Variants in TSNAX observed in about 807,000 individuals in gnomAD.
TSNAX encodes translin-associated protein X.
A neutral mutation model predicts 33.0 loss-of-function variants in TSNAX; 12 were observed. The ratio of observed to expected loss-of-function variants is 0.36; its 90% CI spans 0.23 to 0.59. The LOEUF (loss-of-function observed/expected upper bound fraction) is 0.59, where lower values mean the gene tolerates loss of function less well. Among genes scored for constraint, TSNAX ranks in the 20% least tolerant of loss-of-function variants. The probability of loss-of-function intolerance (pLI) is 0.74; values close to 1 mark genes in which losing one functional copy is unlikely to be tolerated. For missense variants in TSNAX, 267 were observed against 341.3 expected, an observed-to-expected ratio of 0.78 and a Z score of 1.72; for synonymous variants, 110 against 117.2, an observed-to-expected ratio of 0.94 and a Z score of 0.40.
chr1:231,554,409 T>G (rs972694278), intron 4 of TSNAX, among the ~76,000 whole-genome samples: 19 of 152,168 alleles, frequency 1.2e-4, no homozygotes, highest in Non-Finnish European at 2.9e-5. Context: ...ACATATGAGT[T>G]GCTATCTTTG....
At position 231,529,336 on chromosome 1, in the gene TSNAX, C is replaced by T. The variant is rs1658495144; in HGVS notation, c.98C>T (p.Ser33Leu). Reference sequence around the variant, plus strand: ...GAAGGGAAGGATGTTAATTCATCTTCACCCGTGATGTTGGCCTTTAAATGT... The same window carrying T: ...GAAGGGAAGGATGTTAATTCATCTTTACCCGTGATGTTGGCCTTTAAATGT... ...RREGKDVNSS[S>L]PVMLAFKSFQ... Residue 33 changes from serine (S) to leucine (L), a missense_variant, in exon 2 of 6, where the codon TCA becomes TTA. By Grantham distance (145) the Ser-to-Leu change is moderately radical. Transcript: ENST00000366639. 1.2e-6 allele frequency: 2 copies of T among 1,614,180 alleles called. No individual in the cohort carries two copies. Among genetic ancestry groups the T allele is most frequent in the Non-Finnish European group, 1.7e-6 (2 of 1,180,024 alleles).
chr1:231,529,411 G>T (rs767921460), intron 2 of TSNAX, 52 bp downstream of exon 2: 6 of 1,572,698 alleles, frequency 3.8e-6, no homozygotes, highest in Non-Finnish European at 5.2e-6. Flanking sequence ...AAATTATTTA[G>T]CCATGGTTAT....
intron 4 of TSNAX, among the ~76,000 whole-genome samples, chr1:231,557,669 G>A (rs1660779501): frequency 6.6e-6 from 1 of 151,830 alleles, no homozygotes; most frequent in Non-Finnish European, 1.5e-5. Flanking sequence ...ATTCAGTATA[G>A]AACATAAAGT....
chr1:231,549,757 G>A (rs1226358461), intron 4 of TSNAX, among the ~76,000 whole-genome samples: 1 of 152,158 alleles, frequency 6.6e-6, no homozygotes, highest in Non-Finnish European at 1.5e-5. Flanking sequence ...GTGATGAGTA[G>A]TAAAATTAAT....
chr1:231,539,230 T>TA (rs1378754906), intron 3 of TSNAX, among the ~76,000 whole-genome samples: 5 of 152,170 alleles, frequency 3.3e-5, no homozygotes, highest in African/African-American at 1.2e-4. Context: ...ATTACAATTC[T>TA]AAAACAATTG....
chr1:231,532,131 A>AACACACAGACAC (rs1658768655), intron 2 of TSNAX, among the ~76,000 whole-genome samples: 1 of 85,150 alleles, frequency 1.2e-5, no homozygotes, highest in South Asian at 6.0e-4. Context: ...TAGTGGTAAT[A>AACACACAGACAC]ACACACACAC....
intron 2 of TSNAX, among the ~76,000 whole-genome samples, chr1:231,529,852 C>T (rs1311228381): frequency 6.6e-6 from 1 of 152,166 alleles, no homozygotes; most frequent in Non-Finnish European, 1.5e-5. Context: ...ACAAGTTATT[C>T]CTCAATTCAA....
chr1:231,563,936 G>A (rs1661275268), intron 5 of TSNAX, among the ~76,000 whole-genome samples: 1 of 152,116 alleles, frequency 6.6e-6, no homozygotes, highest in African/African-American at 2.4e-5. Flanking sequence ...CTCAGTGAGT[G>A]GTACTCAGCC....
At chr1:231,529,407 T>C in intron 2 of TSNAX, 48 bp downstream of exon 2, 1 of 1,580,830 alleles carries the variant, frequency 6.3e-7, no homozygotes, top group Non-Finnish European at 8.7e-7. Context: ...AACAAAATTA[T>C]TTAGCCATGG....
chr1:231,529,421 T>C (rs1658503389), intron 2 of TSNAX, 62 bp downstream of exon 2: 1 of 1,537,592 alleles, frequency 6.5e-7, no homozygotes. Context: ...GCCATGGTTA[T>C]GCGCAAGAAA....
rs550571606 is a variant in TSNAX at position 231,565,883 on chromosome 1, T to C, written c.*978T>C. ...TGTTGCTTTCTCCATTTATTTTTTG[T>C]TTTTTTTTAATCACAGTAGGTCTGA... On this transcript the variant is annotated 3_prime_UTR_variant, in exon 6 of 6. Coordinates refer to ENST00000366639, the MANE Select transcript of TSNAX (RefSeq NM_005999.3). 111 of 149,138 alleles carry C rather than the reference T, an allele frequency of 7.4e-4. No homozygotes were observed. Among genetic ancestry groups the C allele is most frequent in the African/African-American group, 2.7e-3 (108 of 39,438 alleles). 9.2% of individuals were successfully genotyped at this position (149,138 alleles called of 1,614,324 possible).
intron 2 of TSNAX, 130 bp downstream of exon 2, chr1:231,529,489 T>G (rs988368047): frequency 2.4e-6 from 2 of 842,520 alleles, no homozygotes; most frequent in African/African-American, 3.4e-5. Context: ...TGGCGCTAGA[T>G]GTACCCTAAA....
chr1:231,553,966 G>A (rs941314592), intron 4 of TSNAX, among the ~76,000 whole-genome samples: 13 of 152,098 alleles, frequency 8.5e-5, no homozygotes, highest in African/African-American at 2.4e-4. Flanking sequence ...GATTACAGGC[G>A]TGAGCCACCA....
intron 2 of TSNAX, among the ~76,000 whole-genome samples, chr1:231,530,347 G>C (rs1658598270): frequency 6.6e-6 from 1 of 152,198 alleles, no homozygotes; most frequent in Admixed American, 6.5e-5. Context: ...TACTGTGATC[G>C]TCAGAAGTTT....
chr1:231,548,757 G>A (rs1337305657), intron 4 of TSNAX, among the ~76,000 whole-genome samples: 1 of 152,222 alleles, frequency 6.6e-6, no homozygotes, highest in East Asian at 1.9e-4. Flanking sequence ...AATTTGATAC[G>A]TAGGTCTACA....
intron 4 of TSNAX, among the ~76,000 whole-genome samples, chr1:231,550,194 TATA>T (rs1660208489): frequency 6.6e-6 from 1 of 152,226 alleles, no homozygotes; most frequent in Non-Finnish European, 1.5e-5. Context: ...GGCTTCAACA[TATA>T]ATCAGCATAT....
intron 4 of TSNAX, among the ~76,000 whole-genome samples, chr1:231,552,243 C>T (rs949542773): frequency 2.6e-5 from 4 of 151,916 alleles, no homozygotes; most frequent in Admixed American, 1.3e-4. Context: ...GAGCCAAGAT[C>T]GTGCCACTGT....
chr1:231,529,126 C>T, intron 1 of TSNAX, 129 bp from the exon 2 acceptor site: 1 of 903,024 alleles, frequency 1.1e-6, no homozygotes, highest in Non-Finnish European at 1.7e-6. Flanking sequence ...TGTCAGTCTG[C>T]GGAGAAAGCC....
intron 4 of TSNAX, among the ~76,000 whole-genome samples, chr1:231,560,233 C>A (rs1660975528): frequency 6.6e-6 from 1 of 151,796 alleles, no homozygotes; most frequent in Non-Finnish European, 1.5e-5. Flanking sequence ...CCCGCCTGGG[C>A]CTCCCAAAGT....
Sources: gnomAD v4.1 joint callset for allele counts (sites outside exome capture counted in the v4.1 genomes callset) on GRCh38, gnomAD v4.1.1 for gene constraint, MANE v1.5 for transcripts, NCBI Gene and HGNC (gene_info 2026-07-23, HGNC 2026-07-21) for gene names.